Variants in TAX1BP1 observed in about 807,000 individuals in gnomAD.
TAX1BP1 encodes tax1-binding protein 1.
Under a neutral mutation model 97.7 loss-of-function variants are expected in TAX1BP1, and 62 were observed. The ratio of observed to expected loss-of-function variants is 0.63; its 90% CI spans 0.52 to 0.78. The LOEUF (loss-of-function observed/expected upper bound fraction) is 0.78, where lower values mean the gene tolerates loss of function less well. Among genes scored for constraint, TAX1BP1 ranks in the 30% least tolerant of loss-of-function variants. The pLI, the probability that TAX1BP1 is intolerant of heterozygous loss-of-function variation, is 0.00. For missense variants in TAX1BP1, 867 were observed against 916.1 expected (o/e 0.95, Z 0.69); for synonymous variants, 340 against 304.2 (o/e 1.12, Z -1.23).
chr7:27,826,942 A>G (rs547772268), intron 15 of TAX1BP1, among the ~76,000 whole-genome samples: 1 of 152,342 alleles, frequency 6.6e-6, no homozygotes, highest in Admixed American at 6.5e-5. Context: ...TTAGTTTTTC[A>G]TTATGATTTC....
At chr7:27,796,300 T>G in intron 12 of TAX1BP1, 81 bp downstream of exon 12, 1 of 1,168,738 alleles carries the variant, frequency 8.6e-7, no homozygotes, top group Non-Finnish European at 1.2e-6. Context: ...AATTGATTGG[T>G]ATCTTTGAGT....
At chr7:27,799,133 TC>T (rs1790042514) in intron 12 of TAX1BP1, among the ~76,000 whole-genome samples, 1 of 152,318 alleles carries the variant, frequency 6.6e-6, no homozygotes. Flanking sequence ...AGTTTTATAA[TC>T]AGCTTTTCTA....
At chr7:27,789,253 T>C (rs778740725) in intron 8 of TAX1BP1, among the ~76,000 whole-genome samples, 2 of 152,172 alleles carry the variant, frequency 1.3e-5, no homozygotes, top group Non-Finnish European at 2.9e-5. Flanking sequence ...AAATTTGTAA[T>C]ATAATTTCAT....
rs139402691 is a variant in TAX1BP1, at chr7:27,799,563, A to G, written c.1639-402A>G. On this transcript the variant is annotated intron_variant, in intron 12 of 16. Transcript: ENST00000396319. ...AGTAGAGATGGCAAAAATTACCTCT[A>G]TCATTCTGATCCCCTGAGATAAGAA... 1.1e-3 allele frequency among the ~76,000 whole-genome samples: 174 copies of G among 152,300 alleles called. 2 individuals are homozygous for G. In the East Asian group the frequency reaches 0.024, roughly 21 times the overall value.
At chr7:27,776,651 A>T (rs1789042642) in intron 5 of TAX1BP1, among the ~76,000 whole-genome samples, 1 of 151,408 alleles carries the variant, frequency 6.6e-6, no homozygotes, top group South Asian at 2.1e-4. Context: ...GGGTTCAGTG[A>T]CCTTTTTGTA....
chr7:27,815,880 A>G (rs1343242034), intron 13 of TAX1BP1, among the ~76,000 whole-genome samples: 1 of 152,114 alleles, frequency 6.6e-6, no homozygotes, highest in East Asian at 1.9e-4. Context: ...CTAAAAATAC[A>G]AAAATTAGCC....
chr7:27,828,421 T>C (rs999508708), intron 16 of TAX1BP1, among the ~76,000 whole-genome samples: 1 of 152,172 alleles, frequency 6.6e-6, no homozygotes. Context: ...AATTGTAAAA[T>C]TGAATTTAGA....
chr7:27,809,629 A>G (rs1015071939), intron 13 of TAX1BP1, among the ~76,000 whole-genome samples: 1 of 152,166 alleles, frequency 6.6e-6, no homozygotes, highest in East Asian at 1.9e-4. Context: ...CCCATGAGGA[A>G]TCAAAGCTGC....
intron 3 of TAX1BP1, among the ~76,000 whole-genome samples, chr7:27,765,175 C>T (rs898868377): frequency 6.7e-6 from 1 of 148,620 alleles, no homozygotes; most frequent in African/African-American, 2.5e-5. Flanking sequence ...GCCATCACAC[C>T]TGGCAAATTT....
chr7:27,787,638 A>C, intron 8 of TAX1BP1, 35 bp downstream of exon 8: 1 of 1,527,860 alleles, frequency 6.5e-7, no homozygotes, highest in South Asian at 1.3e-5. Context: ...TGAAGATTGT[A>C]AAACATACCT....
At chr7:27,762,019 T>C (rs1181301223) in intron 3 of TAX1BP1, among the ~76,000 whole-genome samples, 1 of 152,214 alleles carries the variant, frequency 6.6e-6, no homozygotes, top group African/African-American at 2.4e-5. Context: ...ATTTTGGTGG[T>C]CTGTTTGTTT....
At position 27,765,855 on chromosome 7, in the gene TAX1BP1, A is replaced by G. The variant is rs1299550683; in HGVS notation, c.287A>G (p.Asp96Gly). The change falls in exon 4 of 17, where the codon GAT (aspartate) becomes GGT (glycine). Residue 96 changes from aspartate (D) to glycine (G), a missense_variant. Asp to Gly is a moderately conservative substitution (Grantham distance 94). Around this residue, in one of 3 missense-constraint regions of TAX1BP1, gnomAD observed 822 missense variants for 851.4 expected, o/e 0.97. Coordinates refer to ENST00000396319, the MANE Select transcript of TAX1BP1 (RefSeq NM_006024.7). ...TTAGGATATTACCTTCCAAATGATGATGGAGAATTTTATCAGTTCTGTTAC... is the reference window on the plus strand; with the variant it reads ...TTAGGATATTACCTTCCAAATGATGGTGGAGAATTTTATCAGTTCTGTTAC... ...AFQGYYLPND[D>G]GEFYQFCYVT... The G allele has an allele frequency of 1.2e-6, 2 of 1,613,724 alleles. No individual in the cohort carries two copies. The highest frequency in any genetic ancestry group is 3.3e-5 in the Admixed American group (2 of 59,976).
intron 1 of TAX1BP1, among the ~76,000 whole-genome samples, chr7:27,740,969 TGCGCGC>T (rs138754469): frequency 6.6e-6 from 1 of 151,728 alleles, no homozygotes; most frequent in Non-Finnish European, 1.5e-5. Context: ...GAGTTTAGCG[TGCGCGC>T]GCGCGCGTAC....
intron 15 of TAX1BP1, among the ~76,000 whole-genome samples, chr7:27,821,112 T>A (rs535261058): frequency 5.0e-4 from 76 of 152,332 alleles, no homozygotes; most frequent in African/African-American, 1.8e-3. Flanking sequence ...AAGGATTAAA[T>A]GAATCTTTGC....
chr7:27,754,635 C>G (rs760073903), intron 2 of TAX1BP1, among the ~76,000 whole-genome samples: 1 of 152,006 alleles, frequency 6.6e-6, no homozygotes, highest in Non-Finnish European at 1.5e-5. Context: ...TGCAGTGGTG[C>G]GATCTTGGCT....
intron 2 of TAX1BP1, among the ~76,000 whole-genome samples, chr7:27,755,187 A>G (rs1309642022): frequency 6.6e-6 from 1 of 152,170 alleles, no homozygotes; most frequent in Non-Finnish European, 1.5e-5. Context: ...TACCTTCCCC[A>G]GTGATGTCTG....
intron 15 of TAX1BP1, among the ~76,000 whole-genome samples, chr7:27,819,380 A>G (rs933109517): frequency 1.3e-5 from 2 of 152,176 alleles, no homozygotes; most frequent in Non-Finnish European, 2.9e-5. Context: ...ACAACTCCTC[A>G]AGCCTTAGAA....
Position 27,827,744 on chromosome 7 carries a change from G to C in TAX1BP1, c.2092G>C (p.Glu698Gln), listed in dbSNP as rs1257246431. ...LEDSEDSKED[E>Q]NVPTAPDPPS... The stretch of plus-strand genomic sequence containing the variant: ...AAAATTATTTTTCCCCTAGGAAGAT[G>C]AGAATGTGCCTACTGCTCCTGATCC... The change falls in exon 16 of 17, where the codon GAG becomes CAG. Residue 698 changes from glutamate to glutamine, a missense_variant. This residue lies in a region of TAX1BP1 where 822 missense variants were observed against 851.4 expected (regional missense o/e 0.97). Coordinates refer to ENST00000396319, the MANE Select transcript of TAX1BP1 (RefSeq NM_006024.7). 6.2e-7 allele frequency: 1 copy of C among 1,612,664 alleles called. No homozygotes were observed. The highest frequency in any genetic ancestry group is 2.2e-5 in the East Asian group (1 of 44,864).
intron 13 of TAX1BP1, among the ~76,000 whole-genome samples, chr7:27,807,492 A>G (rs912859300): frequency 1.3e-5 from 2 of 152,112 alleles, no homozygotes; most frequent in Non-Finnish European, 2.9e-5. Context: ...GTTATTTAAT[A>G]TAATACTAAT....
Sources: gnomAD v4.1 joint callset for allele counts (sites outside exome capture counted in the v4.1 genomes callset) on GRCh38, gnomAD v4.1.1 for gene constraint, gnomAD v4.1.1 regional missense constraint, MANE v1.5 for transcripts, NCBI Gene and HGNC (gene_info 2026-07-23, HGNC 2026-07-21) for gene names.